Variants in C12orf56 observed in about 807,000 individuals in gnomAD.
C12orf56 encodes the protein uncharacterized protein C12orf56.
In C12orf56, 71 loss-of-function variants were observed where a neutral mutation model predicts 69.9. That is an observed-to-expected ratio of 1.02 (90% CI 0.84 to 1.24). The LOEUF (loss-of-function observed/expected upper bound fraction) is 1.24, where lower values mean the gene tolerates loss of function less well. C12orf56 is among the 50% of genes most tolerant of loss of function. The probability of loss-of-function intolerance (pLI) is 0.00; values close to 1 mark genes in which losing one functional copy is unlikely to be tolerated. For missense variants in C12orf56, 732 were observed against 738.5 expected (o/e 0.99, Z 0.10); for synonymous variants, 276 against 274.1 (o/e 1.01, Z -0.07).
chr12:64,287,339 G>GT (rs1042670770), intron 6 of C12orf56, among the ~76,000 whole-genome samples: 34 of 149,658 alleles, frequency 2.3e-4, no homozygotes, highest in South Asian at 1.1e-3. Context: ...TAGTGTGGCA[G>GT]TTTTTTTTTG....
chr12:64,272,826 T>C (rs1460866971), intron 11 of C12orf56, among the ~76,000 whole-genome samples: 2 of 152,224 alleles, frequency 1.3e-5, no homozygotes, highest in South Asian at 2.1e-4. Context: ...GCTCAACTTC[T>C]GTAGAAGGCA....
chr12:64,365,932 G>GTATAGTGTATATATTATATATTGTA (rs1565776815), intron 1 of C12orf56, among the ~76,000 whole-genome samples: 18 of 129,394 alleles, frequency 1.4e-4, no homozygotes, highest in South Asian at 4.7e-4. Context: ...TATATATTAT[G>GTATAGTGTATATATTATATATTGTA]TATAGTGTAT....
intron 11 of C12orf56, among the ~76,000 whole-genome samples, chr12:64,271,391 G>A (rs1283880412): frequency 6.6e-6 from 1 of 152,108 alleles, no homozygotes; most frequent in Non-Finnish European, 1.5e-5. Flanking sequence ...CTTGAATGCA[G>A]AGGCAGAGGT....
chr12:64,366,212 TACAGTTTATATATTATATATAATATAC>T (rs2135966491), intron 1 of C12orf56, among the ~76,000 whole-genome samples: 1 of 88,576 alleles, frequency 1.1e-5, no homozygotes, highest in African/African-American at 4.6e-5. Flanking sequence ...TTGTATAATA[TACAGTTTATATATTATATATAATATAC>T]AGTTTATATA....
chr12:64,370,763 A>G (rs753225130), intron 1 of C12orf56, among the ~76,000 whole-genome samples: 10 of 152,228 alleles, frequency 6.6e-5, no homozygotes, highest in Non-Finnish European at 1.2e-4. Context: ...AAGGCATCAC[A>G]TTTCCTGATT....
At chr12:64,363,600 C>A (rs1001846572) in intron 1 of C12orf56, among the ~76,000 whole-genome samples, 1 of 152,148 alleles carries the variant, frequency 6.6e-6, no homozygotes, top group Non-Finnish European at 1.5e-5. Flanking sequence ...GGAACCAGCA[C>A]CTACTATGTT....
intron 3 of C12orf56, among the ~76,000 whole-genome samples, chr12:64,329,373 T>G (rs570519993): frequency 6.6e-6 from 1 of 152,138 alleles, no homozygotes; most frequent in South Asian, 2.1e-4. Context: ...CCGTCCCTTT[T>G]TCTTTATTTT....
chr12:64,272,359 GCC>G (rs2038000841), intron 11 of C12orf56, among the ~76,000 whole-genome samples: 7 of 151,866 alleles, frequency 4.6e-5, no homozygotes, highest in Non-Finnish European at 1.0e-4. Context: ...ACAAAAATTA[GCC>G]AGTCGTGGTG....
chr12:64,330,544 G>T (rs971956640), intron 3 of C12orf56, among the ~76,000 whole-genome samples: 5 of 152,132 alleles, frequency 3.3e-5, no homozygotes, highest in African/African-American at 1.2e-4. Flanking sequence ...CACTTAGCAT[G>T]TGGACTATGT....
chr12:64,269,148 A>AAC (rs1231008678), intron 12 of C12orf56, among the ~76,000 whole-genome samples: 1 of 151,834 alleles, frequency 6.6e-6, no homozygotes, highest in Non-Finnish European at 1.5e-5. Context: ...TCAAAAAAAA[A>AAC]AAAGTCTATA....
intron 10 of C12orf56, 67 bp from the exon 11 acceptor site, chr12:64,275,042 A>T: frequency 7.5e-7 from 1 of 1,339,040 alleles, no homozygotes; most frequent in Non-Finnish European, 1.1e-6. Flanking sequence ...AAGGATACTC[A>T]TTCTTAAATA....
At chr12:64,349,996 G>A (rs2039199571) in intron 2 of C12orf56, among the ~76,000 whole-genome samples, 1 of 151,868 alleles carries the variant, frequency 6.6e-6, no homozygotes. Flanking sequence ...GGAGGCTGAG[G>A]CAGGATAATT....
At chr12:64,308,947 G>GAAA (rs1360964376) in intron 5 of C12orf56, among the ~76,000 whole-genome samples, 6,980 of 67,408 alleles carry the variant, frequency 0.1, 387 homozygotes, top group East Asian at 0.18. Flanking sequence ...AAAGAAGAAA[G>GAAA]AAAGAAAGAA....
chr12:64,300,005 A>C (rs1425556992), intron 6 of C12orf56, among the ~76,000 whole-genome samples: 1 of 152,180 alleles, frequency 6.6e-6, no homozygotes, highest in Non-Finnish European at 1.5e-5. Flanking sequence ...TGAACAATGC[A>C]GATTATAAAA....
chr12:64,352,721 TC>T (rs1325913024), intron 2 of C12orf56, among the ~76,000 whole-genome samples, 172 bp downstream of exon 2: 8 of 152,200 alleles, frequency 5.3e-5, no homozygotes, highest in Non-Finnish European at 1.2e-4. Flanking sequence ...TTTTAATAAA[TC>T]CCACTGTCCG....
At chr12:64,280,355 T>A (rs1306360469) in intron 8 of C12orf56, among the ~76,000 whole-genome samples, 1 of 152,212 alleles carries the variant, frequency 6.6e-6, no homozygotes, top group African/African-American at 2.4e-5. Context: ...GTTGTTATTA[T>A]TTCTAATGTA....
rs139093370 is a variant in C12orf56 at position 64,324,881 on chromosome 12, G to A, written c.489-5901C>T. 2.4e-3 allele frequency among the ~76,000 whole-genome samples: 369 copies of A among 152,242 alleles called. 1 individual carries two copies. Among genetic ancestry groups the A allele is most frequent in the South Asian group, 0.023 (112 of 4,816 alleles). On this transcript the variant is annotated intron_variant, in intron 3 of 12. Coordinates refer to ENST00000543942, the MANE Select transcript of C12orf56 (RefSeq NM_001170633.2). ...GATGGGTGAGTTAGAGACATATTAT[G>A]AACTCAGGAGTTCCAATAATCCAGG...
chr12:64,321,139 T>C (rs947000859), intron 3 of C12orf56, among the ~76,000 whole-genome samples: 2 of 152,208 alleles, frequency 1.3e-5, no homozygotes, highest in Non-Finnish European at 2.9e-5. Context: ...ATAGTACCCA[T>C]CTCATAAGGT....
At chr12:64,308,897 A>AAGAAAGG (rs2136817163) in intron 5 of C12orf56, among the ~76,000 whole-genome samples, 1 of 61,446 alleles carries the variant, frequency 1.6e-5, no homozygotes, top group African/African-American at 6.7e-5. Flanking sequence ...AGGAAGAAAG[A>AAGAAAGG]AAGAAAGAAA....
Sources: allele counts gnomAD v4.1 joint callset (sites outside exome capture counted in the v4.1 genomes callset), GRCh38; gene constraint gnomAD v4.1.1; transcripts MANE v1.5; gene names NCBI Gene and HGNC (gene_info 2026-07-23, HGNC 2026-07-21).